The following FAM171A1 variants were observed in gnomAD, a reference collection of about 807,000 sequenced individuals.
FAM171A1 encodes family with sequence similarity 171 member A1, also known as protein FAM171A1.
FAM171A1 carries 23 observed loss-of-function variants against 74.9 expected under a neutral mutation model. That is an observed-to-expected ratio of 0.31 (90% CI 0.22 to 0.44). The LOEUF is 0.44. Ranked by LOEUF, FAM171A1 falls within the 20% of genes least tolerant of loss-of-function variation. The pLI is 1.00. For synonymous variants in FAM171A1, 527 were observed against 505.7 expected (o/e 1.04, Z -0.57); for missense variants, 1,162 against 1,159.2 (o/e 1.00, Z -0.03).
At chr10:15,307,581 G>A (rs1279084216) in intron 1 of FAM171A1, among the ~76,000 whole-genome samples, 1 of 146,826 alleles carries the variant, frequency 6.8e-6, no homozygotes, top group Admixed American at 6.9e-5. Flanking sequence ...GGGAGGCAGA[G>A]GTTGCAGTGA....
intron 1 of FAM171A1, among the ~76,000 whole-genome samples, chr10:15,307,925 T>C (rs1835316518): frequency 6.6e-6 from 1 of 151,782 alleles, no homozygotes; most frequent in East Asian, 2.0e-4. Context: ...TACCTCAGCC[T>C]CCCAGGTAAC....
chr10:15,339,186 A>G lies in FAM171A1; in HGVS notation c.97+31770T>C, dbSNP rs139197797. Among the ~76,000 whole-genome samples the G allele has an allele frequency of 4.6e-5, 7 of 152,388 alleles. 1 individual carries two copies. The highest frequency in any genetic ancestry group is 1.0e-4 in the Non-Finnish European group (7 of 68,044). The stretch of plus-strand genomic sequence containing the variant: ...AATTTTTGATTTACAAAAAAACTGC[A>G]GAGACAACACTGAGAATTCCTATGT... On this transcript the variant is annotated intron_variant, in intron 1 of 7. Coordinates refer to ENST00000378116, the MANE Select transcript of FAM171A1 (RefSeq NM_001010924.2).
chr10:15,328,100 C>CA (rs57966314), intron 1 of FAM171A1, among the ~76,000 whole-genome samples: 14,060 of 141,340 alleles, frequency 0.099, 692 homozygotes, highest in Middle Eastern at 0.11. Flanking sequence ...AAAAACAAAC[C>CA]AAAAAAAAAA....
chr10:15,288,813 C>CTTTTTTTTTT (rs71505064), intron 1 of FAM171A1, among the ~76,000 whole-genome samples: 11 of 73,698 alleles, frequency 1.5e-4, no homozygotes, highest in South Asian at 6.0e-4. Flanking sequence ...TTCGGTAATT[C>CTTTTTTTTTT]TTTTTTTTTT....
chr10:15,306,538 G>A (rs373058478), intron 1 of FAM171A1, among the ~76,000 whole-genome samples: 8 of 152,154 alleles, frequency 5.3e-5, no homozygotes, highest in African/African-American at 1.9e-4. Flanking sequence ...CTAATTTTGT[G>A]TATTTTTAGT....
chr10:15,278,390 ACTC>A (rs1313275021), intron 2 of FAM171A1, among the ~76,000 whole-genome samples: 1 of 151,998 alleles, frequency 6.6e-6, no homozygotes, highest in Non-Finnish European at 1.5e-5. Context: ...CAGCAATTCC[ACTC>A]CTACGTATAA....
chr10:15,358,933 A>G (rs964123945), intron 1 of FAM171A1, among the ~76,000 whole-genome samples: 6 of 152,142 alleles, frequency 3.9e-5, no homozygotes, highest in African/African-American at 1.2e-4. Context: ...CCTACATAAC[A>G]GTAGAGTCTT....
intron 1 of FAM171A1, among the ~76,000 whole-genome samples, chr10:15,291,620 G>C (rs929293614): frequency 9.2e-5 from 14 of 152,262 alleles, no homozygotes; most frequent in Admixed American, 5.2e-4. Flanking sequence ...CTCTGAAGTG[G>C]TGTCTTCACA....
At chr10:15,302,271 C>G (rs1337975989) in intron 1 of FAM171A1, among the ~76,000 whole-genome samples, 1 of 152,100 alleles carries the variant, frequency 6.6e-6, no homozygotes, top group Non-Finnish European at 1.5e-5. Context: ...TGAGACCAGC[C>G]TGGTCAACAT....
chr10:15,374,408 A>C (rs1165700787), upstream of FAM171A1, among the ~76,000 whole-genome samples: 1 of 152,242 alleles, frequency 6.6e-6, no homozygotes, highest in African/African-American at 2.4e-5. Flanking sequence ...AGATTCTGCT[A>C]CATCACTCAA....
chr10:15,299,245 A>G (rs1835198912), intron 1 of FAM171A1, among the ~76,000 whole-genome samples: 1 of 152,188 alleles, frequency 6.6e-6, no homozygotes, highest in South Asian at 2.1e-4. Flanking sequence ...TAAATTTTTC[A>G]TGAAGGCACA....
At chr10:15,308,920 C>A (rs1178409407) in intron 1 of FAM171A1, among the ~76,000 whole-genome samples, 3 of 152,102 alleles carry the variant, frequency 2.0e-5, no homozygotes, top group African/African-American at 7.2e-5. Context: ...CCCGCCTCAG[C>A]CTCCCAGTAT....
chr10:15,306,474 C>T (rs1171978998), intron 1 of FAM171A1, among the ~76,000 whole-genome samples: 2 of 151,964 alleles, frequency 1.3e-5, no homozygotes, highest in African/African-American at 4.8e-5. Flanking sequence ...AAGCGATTCT[C>T]CTGACTCAGT....
At chr10:15,252,631 T>C (rs1233480470) in intron 4 of FAM171A1, among the ~76,000 whole-genome samples, 2 of 152,166 alleles carry the variant, frequency 1.3e-5, no homozygotes, top group Non-Finnish European at 2.9e-5. Flanking sequence ...CGAGGGCGCG[T>C]GTGAATTCAC....
intron 7 of FAM171A1, 133 bp downstream of exon 7, chr10:15,215,863 T>C: frequency 3.4e-6 from 2 of 592,074 alleles, no homozygotes; most frequent in Non-Finnish European, 5.8e-6. Flanking sequence ...TTCTTACTTT[T>C]TCATGGGAAG....
At chr10:15,313,109 T>C (rs967099596) in intron 1 of FAM171A1, among the ~76,000 whole-genome samples, 11 of 152,202 alleles carry the variant, frequency 7.2e-5, no homozygotes, top group African/African-American at 2.7e-4. Flanking sequence ...AACAAAGCAC[T>C]GGCCCAGAAA....
chr10:15,317,374 G>A (rs947493969), intron 1 of FAM171A1, among the ~76,000 whole-genome samples: 24 of 152,174 alleles, frequency 1.6e-4, no homozygotes, highest in African/African-American at 3.9e-4. Context: ...GTCTGGTTGC[G>A]CTCATATTTT....
intron 3 of FAM171A1, among the ~76,000 whole-genome samples, chr10:15,267,656 G>C (rs1588522402): frequency 6.8e-6 from 1 of 146,618 alleles, no homozygotes; most frequent in Admixed American, 6.8e-5. Context: ...GGTTGTGTGT[G>C]ACTGCTGCTT....
chr10:15,225,806 C>G lies in FAM171A1; in HGVS notation c.755-4746G>C, dbSNP rs371570805. ...TTCCTGCTGCACGAACCAAAGAAAG[C>G]TCCACTGCAAGGCCTCTCAAGTCGG... On this transcript the variant is annotated intron_variant, in intron 5 of 7. Coordinates refer to ENST00000378116, the MANE Select transcript of FAM171A1 (RefSeq NM_001010924.2). Among the ~76,000 whole-genome samples the G allele has an allele frequency of 1.2e-4, 18 of 152,292 alleles. No individual in the cohort carries two copies. The East Asian group carries it at 1.9e-3, about 16-fold the overall frequency.
Sources: gnomAD v4.1 joint callset for allele counts (sites outside exome capture counted in the v4.1 genomes callset) on GRCh38, gnomAD v4.1.1 for gene constraint, MANE v1.5 for transcripts, NCBI Gene and HGNC (gene_info 2026-07-23, HGNC 2026-07-21) for gene names.